Variants in LAMP2 observed in about 807,000 individuals in gnomAD.
LAMP2 encodes the protein lysosome-associated membrane glycoprotein 2.
A neutral mutation model predicts 25.6 loss-of-function variants in LAMP2; 4 were observed. The observed-to-expected ratio is 0.16, with a 90% CI of 0.08 to 0.36. LAMP2 has a LOEUF of 0.36. Ranked by LOEUF, LAMP2 falls within the 10% of genes least tolerant of loss-of-function variation. The pLI, the probability that LAMP2 is intolerant of heterozygous loss-of-function variation, is 1.00. For synonymous variants in LAMP2, 108 were observed against 112.7 expected (o/e 0.96, Z 0.27); for missense variants, 272 against 301.4 (o/e 0.90, Z 0.72).
At chrX:120,439,246 C>T (rs768666714) in intron 8 of LAMP2, 1 of 1,209,899 alleles carries the variant, frequency 8.3e-7, no homozygotes, top group Non-Finnish European at 1.1e-6. Context: ...CCAGCACCAA[C>T]TATAATTGGG....
intron 5 of LAMP2, among the ~76,000 whole-genome samples, chrX:120,447,602 C>T (rs756137620): frequency 1.8e-5 from 2 of 109,479 alleles, no homozygotes; most frequent in South Asian, 3.9e-4. Context: ...CCCAGCAACT[C>T]GGGAGGCTGA....
intron 3 of LAMP2, among the ~76,000 whole-genome samples, chrX:120,454,583 C>A (rs760973786): frequency 9.2e-6 from 1 of 108,974 alleles, no homozygotes; most frequent in Non-Finnish European, 1.9e-5. Flanking sequence ...TGAGACACCC[C>A]CCCCAACCCC....
chrX:120,440,614 C>A (rs902286451), intron 8 of LAMP2, among the ~76,000 whole-genome samples: 7 of 111,832 alleles, frequency 6.3e-5, no homozygotes, highest in African/African-American at 2.3e-4. Flanking sequence ...ACTAGATAAA[C>A]AGTCTTGAAG....
In LAMP2 at chrX:120,447,828, T is replaced by C. The variant is rs747875922; in HGVS notation, c.741+13A>G. 5.9e-6 allele frequency: 7 copies of C among 1,191,409 alleles called. No homozygotes were observed. The highest frequency in any genetic ancestry group is 1.7e-5 in the African/African-American group (1 of 57,479). On this transcript the variant is annotated intron_variant, in intron 5 of 8. Transcript: ENST00000200639. ...TGCAAAAAGGATGTATTGATAAAGATAGACACCTATACCTTATCCTGAGTG... is the reference window on the plus strand; with the variant it reads ...TGCAAAAAGGATGTATTGATAAAGACAGACACCTATACCTTATCCTGAGTG...
intron 3 of LAMP2, among the ~76,000 whole-genome samples, chrX:120,454,756 T>C (rs929234725): frequency 1.8e-5 from 2 of 108,973 alleles, no homozygotes; most frequent in Non-Finnish European, 3.8e-5. Flanking sequence ...GACTGTGTGA[T>C]GTTTGGAAAA....
At chrX:120,451,188 G>A (rs1258859733) in intron 3 of LAMP2, among the ~76,000 whole-genome samples, 1 of 110,933 alleles carries the variant, frequency 9.0e-6, no homozygotes, top group African/African-American at 3.3e-5. Flanking sequence ...CAAAATGCTG[G>A]GATTACAGGC....
At chrX:120,445,324 T>C (rs896099646) in intron 6 of LAMP2, among the ~76,000 whole-genome samples, 1 of 112,372 alleles carries the variant, frequency 8.9e-6, no homozygotes, top group African/African-American at 3.2e-5. Context: ...CTTTCCAAAA[T>C]ACAAGTGCCT....
At chrX:120,438,839 G>A (rs2058558762) in intron 8 of LAMP2, 28 of 839,391 alleles carry the variant, frequency 3.3e-5, no homozygotes, top group East Asian at 8.6e-5. Context: ...TTTTCTAAAC[G>A]GTGTATTTTT....
Position 120,428,782 on chromosome X carries a change from A to G in LAMP2, c.*2541T>C. On this transcript the variant is annotated 3_prime_UTR_variant, in exon 9 of 9. Coordinates refer to ENST00000200639, the MANE Select transcript of LAMP2 (RefSeq NM_002294.3). ...CTTATTTGCTCAATATCTCATTATCACTTTATCTAAAATCACACGAAATTC... is the reference window on the plus strand; with the variant it reads ...CTTATTTGCTCAATATCTCATTATCGCTTTATCTAAAATCACACGAAATTC... 4.0e-6 allele frequency: 3 copies of G among 753,150 alleles called. No individual in the cohort carries two copies. The highest frequency in any genetic ancestry group is 1.3e-4 in the South Asian group (2 of 14,823). 62.1% of individuals were successfully genotyped at this position (753,150 alleles called of 1,213,427 possible).
chrX:120,469,076 C>A (rs781543526), intron 1 of LAMP2, 30 bp downstream of exon 1: 2 of 1,198,123 alleles, frequency 1.7e-6, no homozygotes, highest in Admixed American at 4.4e-5. Flanking sequence ...CCCAGGCGGA[C>A]AGACTAATCG....
intron 1 of LAMP2, among the ~76,000 whole-genome samples, chrX:120,458,678 T>C (rs1213413130): frequency 1.8e-5 from 2 of 111,700 alleles, no homozygotes; most frequent in Non-Finnish European, 3.8e-5. Context: ...AATTCATTCT[T>C]CTGCTTCCTC....
At chrX:120,465,969 C>A (rs1030917928) in intron 1 of LAMP2, among the ~76,000 whole-genome samples, 2 of 112,052 alleles carry the variant, frequency 1.8e-5, no homozygotes, top group African/African-American at 3.2e-5. Flanking sequence ...GAACCAAGAG[C>A]CATCAGAAAA....
intron 3 of LAMP2, among the ~76,000 whole-genome samples, chrX:120,450,435 T>C (rs1329285718): frequency 8.9e-6 from 1 of 112,234 alleles, no homozygotes; most frequent in Non-Finnish European, 1.9e-5. Context: ...CTAGAACATT[T>C]TTCCCAGAAT....
intron 3 of LAMP2, among the ~76,000 whole-genome samples, chrX:120,450,241 G>A (rs1236759131): frequency 1.8e-5 from 2 of 111,619 alleles, no homozygotes; most frequent in Middle Eastern, 4.7e-3. Context: ...TTCAAAAGAC[G>A]ATGATCACCC....
intron 8 of LAMP2, chrX:120,436,522 T>C: frequency 1.4e-6 from 1 of 732,237 alleles, no homozygotes; most frequent in Non-Finnish European, 1.6e-6. Context: ...GAATCTTTAT[T>C]GTTTTAGAAG....
chrX:120,466,424 T>C (rs1178261563), intron 1 of LAMP2, among the ~76,000 whole-genome samples: 1 of 112,128 alleles, frequency 8.9e-6, no homozygotes, highest in Non-Finnish European at 1.9e-5. Context: ...TTCTAGTCAC[T>C]GATAAGGTAC....
rs765371462 is a variant in LAMP2, at chrX:120,426,362, T to C, written c.*4961A>G. 4.0e-4 allele frequency among the ~76,000 whole-genome samples: 44 copies of C among 108,650 alleles called. No homozygotes were observed. The highest frequency in any genetic ancestry group is 7.6e-4 in the Non-Finnish European group (40 of 52,346). The allele number at this position is 108,650 out of a possible 115,157, so 94.3% of individuals were successfully genotyped here. On this transcript the variant is annotated 3_prime_UTR_variant, in exon 9 of 9. Coordinates refer to ENST00000200639, the MANE Select transcript of LAMP2 (RefSeq NM_002294.3). The stretch of plus-strand genomic sequence containing the variant: ...GTTTACATTCACCAGTTCAAAGTCG[T>C]ACTGTCTGATCCACTGTTGTATTGA...
intron 5 of LAMP2, among the ~76,000 whole-genome samples, chrX:120,446,652 T>C (rs886612224): frequency 3.6e-5 from 4 of 110,059 alleles, no homozygotes; most frequent in African/African-American, 1.3e-4. Flanking sequence ...TCTACAGTAA[T>C]GAGCCAAATG....
intron 4 of LAMP2, 143 bp from the exon 5 acceptor site, chrX:120,448,168 A>C: frequency 1.9e-6 from 1 of 527,806 alleles, no homozygotes; most frequent in Non-Finnish European, 3.2e-6. Context: ...AGTATATTTG[A>C]AACTAAATTA....
Sources: gnomAD v4.1 joint callset for allele counts (sites outside exome capture counted in the v4.1 genomes callset) on GRCh38, gnomAD v4.1.1 for gene constraint, MANE v1.5 for transcripts, NCBI Gene and HGNC (gene_info 2026-07-23, HGNC 2026-07-21) for gene names.